Variants in ITGA1 observed in about 807,000 individuals in gnomAD.
The protein encoded by ITGA1 is integrin alpha-1.
Under a neutral mutation model 145.9 loss-of-function variants are expected in ITGA1, and 85 were observed. The observed-to-expected ratio is 0.58, with a 90% CI of 0.49 to 0.70. ITGA1 has a LOEUF of 0.70. Among genes scored for constraint, ITGA1 ranks in the 30% least tolerant of loss-of-function variants. ITGA1 has a pLI of 0.00. For missense variants in ITGA1, 1,351 were observed against 1,418.7 expected (o/e 0.95, Z 0.77); for synonymous variants, 520 against 495.3 (o/e 1.05, Z -0.66).
rs2111910883 is a variant in ITGA1 at position 52,947,423 on chromosome 5, T to G, written c.3457T>G (p.Leu1153Val). The stretch of plus-strand genomic sequence containing the variant: ...CATCCTGCTGAGTGCTTTTGCCGGA[T>G]TGTTGCTGTTAATGCTGCTCATTTT... ...WVILLSAFAG[L>V]LLLMLLILAL... Residue 1153 changes from leucine to valine, a missense_variant, in exon 28 of 29, where the codon TTG becomes GTG. Coordinates refer to ENST00000282588, the MANE Select transcript of ITGA1 (RefSeq NM_181501.2). 1 of 1,613,716 alleles carries G rather than the reference T, an allele frequency of 6.2e-7. No individual in the cohort carries two copies. Among genetic ancestry groups the G allele is most frequent in the East Asian group, 2.2e-5 (1 of 44,848 alleles).
intron 2 of ITGA1, among the ~76,000 whole-genome samples, chr5:52,858,888 C>G (rs1279674784): frequency 6.6e-6 from 1 of 151,818 alleles, no homozygotes; most frequent in Non-Finnish European, 1.5e-5. Flanking sequence ...TTTGATGATC[C>G]TCTGAAATGG....
At chr5:52,807,506 A>T (rs1412494723) in intron 1 of ITGA1, among the ~76,000 whole-genome samples, 1 of 152,220 alleles carries the variant, frequency 6.6e-6, no homozygotes, top group Non-Finnish European at 1.5e-5. Context: ...ACCCTAAAAA[A>T]TCTAAGAATG....
At position 52,886,475 on chromosome 5, in the gene ITGA1, G is replaced by A. The variant is rs114796658; in HGVS notation, c.774-1340G>A. On this transcript the variant is annotated intron_variant, in intron 7 of 28. Coordinates refer to ENST00000282588, the MANE Select transcript of ITGA1 (RefSeq NM_181501.2). Reference sequence around the variant, plus strand: ...TTTCCTTGGCAAATCTATCCCAAATGGCAGCTGTTTGTCTGTACAACCAAA... The same window carrying A: ...TTTCCTTGGCAAATCTATCCCAAATAGCAGCTGTTTGTCTGTACAACCAAA... 7.0e-3 allele frequency among the ~76,000 whole-genome samples: 1,069 copies of A among 152,254 alleles called. 17 individuals carry two copies. The highest frequency in any genetic ancestry group is 0.025 in the African/African-American group (1,021 of 41,554).
chr5:52,911,916 TTA>T (rs1240560887), intron 14 of ITGA1, among the ~76,000 whole-genome samples: 18 of 136,572 alleles, frequency 1.3e-4, no homozygotes, highest in East Asian at 4.4e-4. Context: ...GATATATATA[TTA>T]TATATATAGT....
chr5:52,895,618 A>G (rs565493334), intron 9 of ITGA1, among the ~76,000 whole-genome samples: 1 of 152,304 alleles, frequency 6.6e-6, no homozygotes, highest in South Asian at 2.1e-4. Context: ...TAAAACTGGC[A>G]AAAATGAAGC....
intron 28 of ITGA1, among the ~76,000 whole-genome samples, chr5:52,950,260 T>G (rs1010864520): frequency 2.6e-5 from 4 of 152,198 alleles, no homozygotes; most frequent in Non-Finnish European, 5.9e-5. Context: ...GATGTCATAA[T>G]GATGCCTGAA....
At chr5:52,878,182 T>C (rs1173312752) in intron 6 of ITGA1, among the ~76,000 whole-genome samples, 3 of 152,126 alleles carry the variant, frequency 2.0e-5, no homozygotes, top group Admixed American at 1.3e-4. Flanking sequence ...GTTTTTTCAG[T>C]CTTTGGGGTA....
At chr5:52,927,279 G>A (rs188804826) in intron 19 of ITGA1, among the ~76,000 whole-genome samples, 241 of 152,286 alleles carry the variant, frequency 1.6e-3, no homozygotes, top group Non-Finnish European at 2.5e-3. Context: ...TGGGTGTCTG[G>A]ATTATTTTAT....
chr5:52,887,744 G>C (rs1022322518), intron 7 of ITGA1, 71 bp from the exon 8 acceptor site: 1 of 1,447,734 alleles, frequency 6.9e-7, no homozygotes, highest in Non-Finnish European at 9.3e-7. Context: ...CAGTGTTTTT[G>C]TTTAGTTTTT....
chr5:52,826,443 G>A (rs1748963967), intron 1 of ITGA1, among the ~76,000 whole-genome samples: 1 of 152,254 alleles, frequency 6.6e-6, no homozygotes, highest in Non-Finnish European at 1.5e-5. Flanking sequence ...GCTGCAGCAA[G>A]TTATCCAGAA....
At chr5:52,860,114 G>A (rs1749575157) in intron 2 of ITGA1, among the ~76,000 whole-genome samples, 2 of 152,142 alleles carry the variant, frequency 1.3e-5, no homozygotes. Flanking sequence ...TATGTTTATT[G>A]TTCCAGAATG....
chr5:52,900,988 G>A (rs1243624874), intron 11 of ITGA1, among the ~76,000 whole-genome samples: 1 of 152,126 alleles, frequency 6.6e-6, no homozygotes, highest in Non-Finnish European at 1.5e-5. Flanking sequence ...CCCCAAAGAT[G>A]TCCATGTCCT....
At chr5:52,798,775 T>C (rs1748395809) in intron 1 of ITGA1, among the ~76,000 whole-genome samples, 1 of 152,178 alleles carries the variant, frequency 6.6e-6, no homozygotes, top group Non-Finnish European at 1.5e-5. Flanking sequence ...ACAGAAGCTA[T>C]CTATTTACAT....
chr5:52,792,812 A>G (rs1748267444), intron 1 of ITGA1, among the ~76,000 whole-genome samples: 2 of 152,152 alleles, frequency 1.3e-5, no homozygotes, highest in Non-Finnish European at 2.9e-5. Context: ...CTGAGATGAA[A>G]GATATTTTGA....
intron 1 of ITGA1, chr5:52,801,199 G>A (rs1386970190): frequency 9.5e-6 from 13 of 1,372,610 alleles, no homozygotes; most frequent in Non-Finnish European, 2.0e-6. Context: ...TTAGAACTGG[G>A]AAAAATAAGA....
chr5:52,826,322 G>A (rs1281515775), intron 1 of ITGA1, among the ~76,000 whole-genome samples: 1 of 152,212 alleles, frequency 6.6e-6, no homozygotes, highest in Admixed American at 6.5e-5. Flanking sequence ...AGGGGTGGAA[G>A]CTGCAGAAGA....
chr5:52,810,423 T>A (rs1580038970), intron 1 of ITGA1, among the ~76,000 whole-genome samples: 1 of 152,258 alleles, frequency 6.6e-6, no homozygotes, highest in East Asian at 1.9e-4. Context: ...CAAAAATAAC[T>A]TCTCTCTTAA....
At chr5:52,899,980 A>G (rs947185937) in intron 11 of ITGA1, among the ~76,000 whole-genome samples, 3 of 152,200 alleles carry the variant, frequency 2.0e-5, no homozygotes, top group Non-Finnish European at 1.5e-5. Flanking sequence ...AAAGCACTGC[A>G]CAAATATTGA....
In ITGA1 at chr5:52,912,555, TCCA is replaced by T. The variant is rs1347485567; in HGVS notation, c.1857+2138_1857+2140del. Among the ~76,000 whole-genome samples the T allele has an allele frequency of 5.6e-4, 75 of 134,666 alleles. 2 individuals carry two copies. Among genetic ancestry groups the T allele is most frequent in the Admixed American group, 3.8e-4 (5 of 13,288 alleles). 88.3% of individuals were successfully genotyped at this position (134,666 alleles called of 152,430 possible). ...CACTATAGGTATTATATATAGTGTATCCACTATAGGTATTATATATAGTGTATC... is the reference window on the plus strand; with the variant it reads ...CACTATAGGTATTATATATAGTGTATCTATAGGTATTATATATAGTGTATC... On this transcript the variant is annotated intron_variant, in intron 14 of 28. Transcript: ENST00000282588.
Sources: gnomAD v4.1 joint callset for allele counts (sites outside exome capture counted in the v4.1 genomes callset) on GRCh38, gnomAD v4.1.1 for gene constraint, MANE v1.5 for transcripts, NCBI Gene and HGNC (gene_info 2026-07-23, HGNC 2026-07-21) for gene names.